The following IQGAP1 variants were observed in gnomAD, a reference collection of about 807,000 sequenced individuals.
IQGAP1 encodes the protein IQ motif containing GTPase activating protein 1.
In IQGAP1, 66 loss-of-function variants were observed where a neutral mutation model predicts 215.6. The ratio of observed to expected loss-of-function variants is 0.31; its 90% CI spans 0.25 to 0.38. The LOEUF (loss-of-function observed/expected upper bound fraction) is 0.38. IQGAP1 is among the 10% of genes least tolerant of loss of function. IQGAP1 has a pLI of 1.00. For synonymous variants in IQGAP1, 772 were observed against 728.7 expected, an observed-to-expected ratio of 1.06 and a Z score of -0.96; for missense variants, 1,712 against 1,997.1, an observed-to-expected ratio of 0.86 and a Z score of 2.72.
intron 15 of IQGAP1, among the ~76,000 whole-genome samples, chr15:90,460,971 C>G (rs1567133793): frequency 7.0e-6 from 1 of 142,996 alleles, no homozygotes; most frequent in Admixed American, 7.4e-5. Context: ...TGCACTCCAG[C>G]CTGAGTGACA....
chr15:90,486,991 G>A lies in IQGAP1; in HGVS notation c.4062G>A (p.Glu1354=). 1 of 1,614,078 alleles carries A rather than the reference G, an allele frequency of 6.2e-7. No homozygotes were observed. The highest frequency in any genetic ancestry group is 1.1e-5 in the South Asian group (1 of 91,078). Reference sequence around the variant, plus strand: ...GCAATTTAAATGACCCAAATAAGGAGGCACTGGCTAAGACGGAAGTGTCTC... The same window carrying A: ...GCAATTTAAATGACCCAAATAAGGAAGCACTGGCTAAGACGGAAGTGTCTC... ...SSGNLNDPNK[E]ALAKTEVSLT... Residue 1354 remains glutamate, a synonymous_variant, in exon 32 of 38, where the codon GAG becomes GAA. Transcript: ENST00000268182.
At position 90,388,404 on chromosome 15, in the gene IQGAP1, CG is replaced by C. The variant is rs747341560; in HGVS notation, c.55+12del. ...CCCGGCCGCACTATGGCTGTGAGTG[CG>C]GGGCTCCGCGGCGCGGGGGCTTCGG... On this transcript the variant is annotated intron_variant, in intron 1 of 37. Transcript: ENST00000268182. The C allele has an allele frequency of 6.9e-7, 1 of 1,444,980 alleles. No individual in the cohort carries two copies. The highest frequency in any genetic ancestry group is 1.2e-5 in the South Asian group (1 of 86,540). 89.5% of individuals were successfully genotyped at this position (1,444,980 alleles called of 1,614,324 possible).
intron 11 of IQGAP1, among the ~76,000 whole-genome samples, chr15:90,450,330 CTTTTTTTTTTTTTTTTTT>C (rs869037347): frequency 1.8e-4 from 10 of 54,460 alleles, no homozygotes; most frequent in African/African-American, 5.5e-4. Flanking sequence ...TATACACTAC[CTTTTTTTTTTTTTTTTTT>C]TTTTTTTTTT....
At chr15:90,495,270 C>G (rs1487564437) in intron 36 of IQGAP1, among the ~76,000 whole-genome samples, 4 of 152,152 alleles carry the variant, frequency 2.6e-5, no homozygotes, top group South Asian at 2.1e-4. Context: ...ACATGTCATC[C>G]TCCCACAGGT....
intron 15 of IQGAP1, among the ~76,000 whole-genome samples, chr15:90,457,424 G>A (rs1965699825): frequency 6.6e-6 from 1 of 151,254 alleles, no homozygotes; most frequent in African/African-American, 2.4e-5. Flanking sequence ...GTTGTAAATA[G>A]GGCTTCTTTG....
At chr15:90,410,061 A>T (rs1964937099) in intron 2 of IQGAP1, among the ~76,000 whole-genome samples, 2 of 152,328 alleles carry the variant, frequency 1.3e-5, no homozygotes, top group East Asian at 3.9e-4. Context: ...CCTTTGTCAG[A>T]TGAGCAGATT....
chr15:90,486,129 A>T lies in IQGAP1; in HGVS notation c.4021A>T (p.Ile1341Leu). 6.2e-7 allele frequency: 1 copy of T among 1,610,974 alleles called. No individual in the cohort carries two copies. Among genetic ancestry groups the T allele is most frequent in the Non-Finnish European group, 8.5e-7 (1 of 1,177,572 alleles). ...LGEVPTIESL[I>L]GESSGNLNDP... is the part of the protein sequence containing the mutation. ...CGAGGTGCCCACCATCGAGTCCCTG[A>T]TAGGTAGAGTTCTAACTTTTGCCTG... Residue 1341 changes from isoleucine (I) to leucine (L), a missense_variant, in exon 31 of 38, where the codon ATA (isoleucine) becomes TTA (leucine). By Grantham distance (5) the Ile-to-Leu change is conservative. Coordinates refer to ENST00000268182, the MANE Select transcript of IQGAP1 (RefSeq NM_003870.4).
In IQGAP1 at chr15:90,480,219, TTAAA is replaced by T. The variant is rs1262269297; in HGVS notation, c.3330-1740_3330-1737del. On this transcript the variant is annotated intron_variant, in intron 26 of 37. Coordinates refer to ENST00000268182, the MANE Select transcript of IQGAP1 (RefSeq NM_003870.4). ...GCCTGGGCAATGTAGACCCCATATC[TTAAA>T]AAAAAAAAAAAAAAAAAAGGAAATT... Among the ~76,000 whole-genome samples the T allele has an allele frequency of 1.0e-3, 134 of 131,722 alleles. 2 individuals are homozygous for T. Among genetic ancestry groups the T allele is most frequent in the African/African-American group, 2.7e-3 (94 of 34,628 alleles). The allele number at this position is 131,722 out of a possible 152,430, so 86.4% of individuals were successfully genotyped here. A position where few individuals can be genotyped will look rare whatever the true frequency, so the allele number is the denominator to read the frequency against.
At chr15:90,479,240 C>A (rs1436910033) in intron 26 of IQGAP1, among the ~76,000 whole-genome samples, 1 of 151,882 alleles carries the variant, frequency 6.6e-6, no homozygotes, top group Non-Finnish European at 1.5e-5. Flanking sequence ...TTTTTCATAG[C>A]AAGATTTTCT....
At chr15:90,468,254 G>A (rs535938905) in intron 18 of IQGAP1, among the ~76,000 whole-genome samples, 8 of 152,190 alleles carry the variant, frequency 5.3e-5, no homozygotes, top group South Asian at 4.2e-4. Context: ...TAGTAGAGAC[G>A]AGGTTTTGCC....
Position 90,474,513 on chromosome 15 carries a change from G to C in IQGAP1, c.2604G>C (p.Val868=), listed in dbSNP as rs754277963. 6.2e-7 allele frequency: 1 copy of C among 1,614,050 alleles called. No homozygotes were observed. The highest frequency in any genetic ancestry group is 8.5e-7 in the Non-Finnish European group (1 of 1,179,942). ...ATGCTGAGGATCCTCCTATGGTTGTGGTCCGAAAATTTGTCCACCTGCTGG... is the reference window on the plus strand; with the variant it reads ...ATGCTGAGGATCCTCCTATGGTTGTCGTCCGAAAATTTGTCCACCTGCTGG... The part of the protein sequence containing the change: ...LINAEDPPMV[V]VRKFVHLLDQ... Residue 868 remains valine (V), a synonymous_variant, in exon 23 of 38, where the codon GTG becomes GTC. Coordinates refer to ENST00000268182, the MANE Select transcript of IQGAP1 (RefSeq NM_003870.4).
intron 2 of IQGAP1, among the ~76,000 whole-genome samples, chr15:90,418,288 A>G (rs1365504359): frequency 6.6e-6 from 1 of 152,154 alleles, no homozygotes; most frequent in Non-Finnish European, 1.5e-5. Flanking sequence ...ATGAAAAGGT[A>G]TAAGAATTAC....
intron 1 of IQGAP1, 65 bp downstream of exon 1, chr15:90,388,461 T>G: frequency 9.8e-6 from 7 of 716,292 alleles, no homozygotes; most frequent in African/African-American, 2.0e-5. Flanking sequence ...GGCGCGATTT[T>G]CCTGGGGGCT....
intron 37 of IQGAP1, 130 bp downstream of exon 37, chr15:90,497,470 C>T (rs1453270933): frequency 3.6e-5 from 21 of 584,856 alleles, no homozygotes; most frequent in Non-Finnish European, 5.9e-5. Context: ...CTCCACACTG[C>T]GGGGAAAGAA....
intron 7 of IQGAP1, among the ~76,000 whole-genome samples, chr15:90,440,976 G>A (rs1194588969): frequency 3.3e-5 from 5 of 152,006 alleles, no homozygotes; most frequent in Non-Finnish European, 4.4e-5. Context: ...GCATGGTGGT[G>A]TGCACCTGTA....
chr15:90,448,703 G>A lies in IQGAP1; in HGVS notation c.1044G>A (p.Lys348=). 2 of 1,607,924 alleles carry A rather than the reference G, an allele frequency of 1.2e-6. No individual in the cohort carries two copies. Among genetic ancestry groups the A allele is most frequent in the Non-Finnish European group, 1.7e-6 (2 of 1,177,454 alleles). Residue 348 remains lysine, a synonymous_variant, in exon 10 of 38, where the codon AAG becomes AAA. Coordinates refer to ENST00000268182, the MANE Select transcript of IQGAP1 (RefSeq NM_003870.4). ...AACAGAATAGCGACTGGTACTTGAA[G>A]CAGCTCCTGAGTGATAAACAGCAGA... ...LQQQNSDWYL[K]QLLSDKQQKR... is the part of the protein sequence containing the mutation.
chr15:90,479,464 A>G (rs1210344181), intron 26 of IQGAP1, among the ~76,000 whole-genome samples: 1 of 151,716 alleles, frequency 6.6e-6, no homozygotes, highest in Non-Finnish European at 1.5e-5. Context: ...CTCACCAGCC[A>G]TGGTAGCTCA....
Position 90,484,237 on chromosome 15 carries a change from C to T in IQGAP1, c.3806C>T (p.Ala1269Val). Reference protein sequence around the residue: ...YQKFRRFFQTACDVPELQDKF... With the variant: ...YQKFRRFFQTVCDVPELQDKF... ...TATTTCAGACGGTTTTTCCAAACTG[C>T]TTGTGATGTCCCAGAGCTTCAGGAT... Residue 1269 changes from alanine to valine, a missense_variant, in exon 30 of 38, where the codon GCT becomes GTT. Physicochemically the swap from Ala to Val is moderately conservative, Grantham distance 64. Transcript: ENST00000268182. The T allele has an allele frequency of 6.2e-7, 1 of 1,613,726 alleles. No homozygotes were observed. The highest frequency in any genetic ancestry group is 8.5e-7 in the Non-Finnish European group (1 of 1,179,880).
intron 9 of IQGAP1, among the ~76,000 whole-genome samples, chr15:90,444,591 C>A (rs1965501217): frequency 6.6e-6 from 1 of 152,066 alleles, no homozygotes; most frequent in African/African-American, 2.4e-5. Context: ...GCCTCCAAAA[C>A]ATATTTAAAC....
Sources: allele counts gnomAD v4.1 joint callset (sites outside exome capture counted in the v4.1 genomes callset), GRCh38; gene constraint gnomAD v4.1.1; transcripts MANE v1.5; gene names NCBI Gene and HGNC (gene_info 2026-07-23, HGNC 2026-07-21).